The following RPS3A variants were observed in gnomAD, a reference collection of about 807,000 sequenced individuals.
RPS3A encodes the protein ribosomal protein S3A.
In RPS3A, 1 loss-of-function variant was observed where a neutral mutation model predicts 26.4. The ratio of observed to expected loss-of-function variants is 0.04; its 90% CI spans 0.01 to 0.18. The LOEUF (loss-of-function observed/expected upper bound fraction) is 0.18, where lower values mean the gene tolerates loss of function less well. RPS3A is among the 10% of genes least tolerant of loss of function. The probability of loss-of-function intolerance (pLI) is 1.00; values close to 1 mark genes in which losing one functional copy is unlikely to be tolerated. For missense variants in RPS3A, 139 were observed against 326.8 expected, an observed-to-expected ratio of 0.43 and a Z score of 4.43; for synonymous variants, 97 against 106.1, an observed-to-expected ratio of 0.91 and a Z score of 0.53.
intron 1 of RPS3A, chr4:151,100,116 A>G: frequency 1.9e-6 from 1 of 515,468 alleles, no homozygotes; most frequent in Non-Finnish European, 3.7e-6. Context: ...AGCTCCTGCT[A>G]AGCTTTGGGG....
intron 1 of RPS3A, among the ~76,000 whole-genome samples, chr4:151,100,149 GTACATGCCAT>G (rs1362084530): frequency 6.6e-6 from 1 of 152,206 alleles, no homozygotes; most frequent in Non-Finnish European, 1.5e-5. Flanking sequence ...TTAGTTACCA[GTACATGCCAT>G]TACGTGCCAG....
rs773652783 is a variant in RPS3A at position 151,102,852 on chromosome 4, C to T, written c.355-19C>T. 28 of 1,604,998 alleles carry T rather than the reference C, an allele frequency of 1.7e-5. No individual in the cohort carries two copies. Among genetic ancestry groups the T allele is most frequent in the Admixed American group, 1.2e-4 (7 of 59,438 alleles). ...ATAACGTAAAACCTGTTAAATCTGACGGTATCTTTTTTCTCCAGACAATGA... is the reference window on the plus strand; with the variant it reads ...ATAACGTAAAACCTGTTAAATCTGATGGTATCTTTTTTCTCCAGACAATGA... On this transcript the variant is annotated intron_variant, in intron 3 of 5. Coordinates refer to ENST00000274065, the MANE Select transcript of RPS3A (RefSeq NM_001006.5).
chr4:151,103,295 G>C (rs1703758060), intron 4 of RPS3A: 2 of 941,280 alleles, frequency 2.1e-6, no homozygotes, highest in Admixed American at 7.1e-5. Flanking sequence ...TGTTGCCCAG[G>C]CTCGAGTGCA....
At chr4:151,100,916 G>T (rs1421336026) in intron 2 of RPS3A, 59 bp from the exon 3 acceptor site, 4 of 1,232,278 alleles carry the variant, frequency 3.2e-6, no homozygotes, top group Non-Finnish European at 4.6e-6. Context: ...TCAGTTTACA[G>T]GCTTGACTTT....
chr4:151,103,209 C>T (rs1357107746), intron 4 of RPS3A, 130 bp downstream of exon 4: 1 of 1,410,904 alleles, frequency 7.1e-7, no homozygotes, highest in East Asian at 2.5e-5. Flanking sequence ...AGCTATATCT[C>T]TTTAAGTGAA....
rs1167488634 is a variant in RPS3A, at chr4:151,099,728, G to A, written c.62+14G>A. The A allele has an allele frequency of 1.2e-6, 2 of 1,608,982 alleles. No homozygotes were observed. The highest frequency in any genetic ancestry group is 8.5e-7 in the Non-Finnish European group (1 of 1,177,586). Reference sequence around the variant, plus strand: ...CAAGAAGAAAGTGTAAGTCGCGACTGTCGTGGCGTCTTGCTTTTTGGGGGT... The same window carrying A: ...CAAGAAGAAAGTGTAAGTCGCGACTATCGTGGCGTCTTGCTTTTTGGGGGT... On this transcript the variant is annotated intron_variant, in intron 1 of 5. Transcript: ENST00000274065.
At chr4:151,104,439 G>GTTTTTTTTTTTTGTTT (rs1747275118) in intron 5 of RPS3A, 33 bp from the exon 6 acceptor site, 8 of 711,712 alleles carry the variant, frequency 1.1e-5, no homozygotes, top group Non-Finnish European at 1.1e-5. Context: ...CAGTTTTTTG[G>GTTTTTTTTTTTTGTTT]TTTTTTTTTT....
At position 151,100,554 on chromosome 4, in the gene RPS3A, T is replaced by G; in HGVS notation, c.132T>G (p.Ile44Met). ...CTGCTATGTTCAATATAAGAAATAT[T>G]GGAAAGACGCTCGTCACCAGGACCC... ...KAPAMFNIRN[I>M]GKTLVTRTQG... Residue 44 changes from isoleucine to methionine, a missense_variant, in exon 2 of 6, where the codon ATT becomes ATG. Physicochemically the swap from Ile to Met is conservative, Grantham distance 10. Coordinates refer to ENST00000274065, the MANE Select transcript of RPS3A (RefSeq NM_001006.5). The G allele has an allele frequency of 6.2e-7, 1 of 1,605,330 alleles. No homozygotes were observed. Among genetic ancestry groups the G allele is most frequent in the Non-Finnish European group, 8.5e-7 (1 of 1,171,958 alleles).
chr4:151,100,900 C>A, intron 2 of RPS3A, 75 bp from the exon 3 acceptor site: 2 of 1,010,962 alleles, frequency 2.0e-6, no homozygotes, highest in Non-Finnish European at 2.9e-6. Flanking sequence ...AACTTAATTT[C>A]TACCCTCAGT....
rs368875639 is a variant in RPS3A at position 151,099,639 on chromosome 4, C to G, written c.-14C>G. The G allele has an allele frequency of 2.5e-6, 4 of 1,613,304 alleles. No homozygotes were observed. The African/African-American group carries it at 4.0e-5, about 16-fold the overall frequency. ...GACTCCCACTTCCGCCCTTTTGGCTCTCTGACCAGCACCATGGCGGTTGGC... is the reference window on the plus strand; with the variant it reads ...GACTCCCACTTCCGCCCTTTTGGCTGTCTGACCAGCACCATGGCGGTTGGC... On this transcript the variant is annotated 5_prime_UTR_variant, in exon 1 of 6. Coordinates refer to ENST00000274065, the MANE Select transcript of RPS3A (RefSeq NM_001006.5).
chr4:151,099,677 C>A lies in RPS3A; in HGVS notation c.25C>A (p.Leu9Ile). Residue 9 changes from leucine (L) to isoleucine (I), a missense_variant, in exon 1 of 6, where the codon CTT (leucine) becomes ATT (isoleucine). Leu to Ile is a conservative substitution (Grantham distance 5, BLOSUM62 2). This residue lies in a region of RPS3A where 35 missense variants were observed against 60.1 expected (regional missense o/e 0.58). Coordinates refer to ENST00000274065, the MANE Select transcript of RPS3A (RefSeq NM_001006.5). MAVGKNKR[L>I]TKGGKKGAKK... Reference sequence around the variant, plus strand: ...CATGGCGGTTGGCAAGAACAAGCGCCTTACGAAAGGCGGCAAAAAGGGAGC... The same window carrying A: ...CATGGCGGTTGGCAAGAACAAGCGCATTACGAAAGGCGGCAAAAAGGGAGC... 1 of 1,614,022 alleles carries A rather than the reference C, an allele frequency of 6.2e-7. No individual in the cohort carries two copies. The highest frequency in any genetic ancestry group is 8.5e-7 in the Non-Finnish European group (1 of 1,179,970).
rs181075275 is a variant in RPS3A at position 151,103,119 on chromosome 4, G to A, written c.563+40G>A. The A allele has an allele frequency of 4.7e-5, 74 of 1,574,526 alleles. No homozygotes were observed. In the African/African-American group the frequency reaches 8.5e-4, roughly 18 times the overall value. On this transcript the variant is annotated intron_variant, in intron 4 of 5. Coordinates refer to ENST00000274065, the MANE Select transcript of RPS3A (RefSeq NM_001006.5). ...GCTTCCTCACACAACACAACCTTGA[G>A]TATTGGATTATTCCTGAGATGAGAG...
At chr4:151,104,385 C>A in intron 5 of RPS3A, 87 bp from the exon 6 acceptor site, 1 of 1,473,772 alleles carries the variant, frequency 6.8e-7, no homozygotes, top group South Asian at 1.3e-5. Context: ...TTCTTCCTGT[C>A]ATGCTTGCAT....
chr4:151,099,696 A>G lies in RPS3A; in HGVS notation c.44A>G (p.Lys15Arg). Residue 15 changes from lysine (K) to arginine (R), a missense_variant, in exon 1 of 6, where the codon AAG (lysine) becomes AGG (arginine). Around this residue, in one of 3 missense-constraint regions of RPS3A, gnomAD observed 35 missense variants for 60.1 expected, o/e 0.58. Coordinates refer to ENST00000274065, the MANE Select transcript of RPS3A (RefSeq NM_001006.5). ...KNKRLTKGGK[K>R]GAKKKVVDPF... is the part of the protein sequence containing the mutation. ...AAGCGCCTTACGAAAGGCGGCAAAA[A>G]GGGAGCCAAGAAGAAAGTGTAAGTC... 6.2e-7 allele frequency: 1 copy of G among 1,613,776 alleles called. No homozygotes were observed. Among genetic ancestry groups the G allele is most frequent in the Non-Finnish European group, 8.5e-7 (1 of 1,179,830 alleles).
intron 2 of RPS3A, among the ~76,000 whole-genome samples, 160 bp from the exon 3 acceptor site, chr4:151,100,815 A>G (rs762735924): frequency 6.6e-6 from 1 of 152,366 alleles, no homozygotes; most frequent in Non-Finnish European, 1.5e-5. Flanking sequence ...TGAGCTTCAA[A>G]TAAGTACTGT....
intron 1 of RPS3A, chr4:151,100,055 C>A: frequency 3.6e-6 from 2 of 562,808 alleles, no homozygotes; most frequent in South Asian, 3.1e-5. Context: ...ACCCTTCTAT[C>A]CATTCAGGAC....
At chr4:151,103,182 T>C (rs1004854695) in intron 4 of RPS3A, 103 bp downstream of exon 4, 4 of 1,462,566 alleles carry the variant, frequency 2.7e-6, no homozygotes, top group Non-Finnish European at 3.6e-6. Context: ...GTTGAAATCC[T>C]GTCTGTGAAT....
intron 4 of RPS3A, 147 bp downstream of exon 4, chr4:151,103,226 T>C: frequency 7.3e-7 from 1 of 1,361,608 alleles, no homozygotes; most frequent in South Asian, 1.5e-5. Flanking sequence ...TGAAAGAGTG[T>C]TAAGTACTCA....
chr4:151,101,372 A>T (rs1221807533), intron 3 of RPS3A, among the ~76,000 whole-genome samples: 1 of 152,194 alleles, frequency 6.6e-6, no homozygotes, highest in Non-Finnish European at 1.5e-5. Context: ...ATTTAAATCT[A>T]AGATTTAATA....
Sources: allele counts gnomAD v4.1 joint callset (sites outside exome capture counted in the v4.1 genomes callset), GRCh38; gene constraint gnomAD v4.1.1; regional missense constraint gnomAD v4.1.1; transcripts MANE v1.5; gene names NCBI Gene and HGNC (gene_info 2026-07-23, HGNC 2026-07-21).